The following ZBTB37 variants were observed in gnomAD, a reference collection of about 807,000 sequenced individuals.
ZBTB37 encodes the protein zinc finger and BTB domain-containing protein 37.
In ZBTB37, 15 loss-of-function variants were observed where a neutral mutation model predicts 37.7. The ratio of observed to expected loss-of-function variants is 0.40; its 90% CI spans 0.27 to 0.61. ZBTB37 has a LOEUF of 0.61. Among genes scored for constraint, ZBTB37 ranks in the 20% least tolerant of loss-of-function variants. The pLI, the probability that ZBTB37 is intolerant of heterozygous loss-of-function variation, is 0.44. For synonymous variants in ZBTB37, 231 were observed against 220.6 expected (o/e 1.05, Z -0.42); for missense variants, 514 against 641.9 (o/e 0.80, Z 2.15).
At chr1:173,877,286 T>C (rs1656032358) in intron 4 of ZBTB37, among the ~76,000 whole-genome samples, 1 of 151,718 alleles carries the variant, frequency 6.6e-6, no homozygotes, top group South Asian at 2.1e-4. Context: ...ACTTGAGTAA[T>C]AGTGTTGTGG....
At chr1:173,872,330 C>G (rs1473077266) in intron 3 of ZBTB37, among the ~76,000 whole-genome samples, 1 of 152,068 alleles carries the variant, frequency 6.6e-6, no homozygotes, top group African/African-American at 2.4e-5. Flanking sequence ...GCCTCAGCCT[C>G]CCAGAGTGCT....
exon 4 of ZBTB37, chr1:173,902,226 A>G (rs1657287686): frequency 6.6e-6 from 1 of 152,272 alleles, no homozygotes. Context: ...ATTGATAGCA[A>G]GGATCAACTA....
At chr1:173,876,524 G>A (rs963930780) in intron 4 of ZBTB37, among the ~76,000 whole-genome samples, 2 of 151,844 alleles carry the variant, frequency 1.3e-5, no homozygotes, top group Admixed American at 6.6e-5. Context: ...CACCATATTG[G>A]TCAGGCTGGT....
exon 3 of ZBTB37, chr1:173,870,321 T>C: frequency 6.2e-7 from 1 of 1,614,170 alleles, no homozygotes; most frequent in East Asian, 2.2e-5. Flanking sequence ...GCCGTCTCTG[T>C]GATATTGTGG....
chr1:173,871,146 CAGGT>C lies in ZBTB37; in HGVS notation c.923+3_923+6del. ...CTCGGCCAACAAGCAGTGAAGTTGA[CAGGT>C]AGGTTTGGTTTGGTTTGGTTTTCCC... On this transcript the variant is annotated splice_donor_variant and coding_sequence_variant, in exon 3 of 5. Coordinates refer to ENST00000427304, the Ensembl canonical transcript of ZBTB37. LOFTEE classifies it high-confidence loss of function. 1 of 1,592,046 alleles carries C rather than the reference CAGGT, an allele frequency of 6.3e-7. No homozygotes were observed. The highest frequency in any genetic ancestry group is 8.6e-7 in the Non-Finnish European group (1 of 1,169,408).
chr1:173,871,772 A>G (rs1306072546), intron 3 of ZBTB37, among the ~76,000 whole-genome samples: 1 of 151,704 alleles, frequency 6.6e-6, no homozygotes, highest in Non-Finnish European at 1.5e-5. Flanking sequence ...CCTTTTTTTC[A>G]CCAGTGCTGC....
Position 173,886,165 on chromosome 1 carries a change from C to T in ZBTB37, c.*41C>T, listed in dbSNP as rs762550734. On this transcript the variant is annotated 3_prime_UTR_variant, in exon 5 of 5. Coordinates refer to ENST00000427304, the Ensembl canonical transcript of ZBTB37. ...GGGGCTGACCCTCTTCCCCTATGAG[C>T]CATAAGCAGCCAGCATCAGAGCCAT... The T allele has an allele frequency of 4.0e-6, 6 of 1,512,764 alleles. No homozygotes were observed. In the Admixed American group the frequency reaches 8.7e-5, roughly 22 times the overall value. The allele number at this position is 1,512,764 out of a possible 1,614,324, so 93.7% of individuals were successfully genotyped here. A position where few individuals can be genotyped will look rare whatever the true frequency, so the allele number is the denominator to read the frequency against.
At chr1:173,884,024 A>T (rs1357379338) in intron 4 of ZBTB37, among the ~76,000 whole-genome samples, 1 of 152,216 alleles carries the variant, frequency 6.6e-6, no homozygotes, top group African/African-American at 2.4e-5. Context: ...CTACATATTT[A>T]AAAAGGTTTT....
chr1:173,876,934 C>T (rs199646628), intron 4 of ZBTB37, among the ~76,000 whole-genome samples: 1 of 152,114 alleles, frequency 6.6e-6, no homozygotes, highest in East Asian at 1.9e-4. Flanking sequence ...ACCTACTGCA[C>T]ACCTAGTTCA....
At chr1:173,882,020 C>G (rs1446907584) in intron 4 of ZBTB37, among the ~76,000 whole-genome samples, 2 of 151,382 alleles carry the variant, frequency 1.3e-5, no homozygotes, top group Non-Finnish European at 2.9e-5. Flanking sequence ...CACCACCGCA[C>G]TCCAGCCTGG....
chr1:173,871,450 A>T (rs961341061), intron 3 of ZBTB37, among the ~76,000 whole-genome samples: 2 of 152,170 alleles, frequency 1.3e-5, no homozygotes, highest in Non-Finnish European at 2.9e-5. Flanking sequence ...CTTCCTCGGG[A>T]TTCGAGGCAG....
intron 4 of ZBTB37, among the ~76,000 whole-genome samples, chr1:173,883,035 TTAAC>T (rs1393977576): frequency 1.2e-4 from 19 of 152,226 alleles, no homozygotes; most frequent in African/African-American, 4.3e-4. Flanking sequence ...AATAGAAGTG[TTAAC>T]TAACCTGCTC....
chr1:173,871,906 T>C (rs1572049413), intron 3 of ZBTB37, among the ~76,000 whole-genome samples: 2 of 152,256 alleles, frequency 1.3e-5, no homozygotes, highest in Non-Finnish European at 2.9e-5. Context: ...TATTACTAAT[T>C]TAGATTGGTA....
chr1:173,899,553 C>CTTA (rs1657180456), exon 4 of ZBTB37: 1 of 152,172 alleles, frequency 6.6e-6, no homozygotes, highest in South Asian at 2.1e-4. Flanking sequence ...GAACACCGGC[C>CTTA]TTATGCTTTC....
chr1:173,886,069 C>G, exon 5 of ZBTB37: 3 of 1,551,710 alleles, frequency 1.9e-6, no homozygotes, highest in South Asian at 1.2e-5. Flanking sequence ...CAGGAAGAGA[C>G]AGTTGCTCCT....
chr1:173,881,346 G>A (rs1290347284), intron 4 of ZBTB37, among the ~76,000 whole-genome samples: 1 of 152,124 alleles, frequency 6.6e-6, no homozygotes, highest in Non-Finnish European at 1.5e-5. Context: ...TCTTAATCCA[G>A]TCTATCATTG....
At chr1:173,889,970 G>A (rs1171159371), downstream of ZBTB37, 1 of 152,182 alleles carries the variant, frequency 6.6e-6, no homozygotes, top group Admixed American at 6.5e-5. Context: ...CGACTTCATA[G>A]TTGACATCTG....
At chr1:173,891,264 A>G (rs1656829225), downstream of ZBTB37, 1 of 152,230 alleles carries the variant, frequency 6.6e-6, no homozygotes, top group Non-Finnish European at 1.5e-5. Flanking sequence ...ATTAAAAACT[A>G]ATTTCATTAT....
At chr1:173,877,397 T>C (rs1341242489) in intron 4 of ZBTB37, among the ~76,000 whole-genome samples, 13 of 86,688 alleles carry the variant, frequency 1.5e-4, no homozygotes, top group Non-Finnish European at 2.2e-4. Flanking sequence ...TTTTTTTTTT[T>C]CCGAGACAGG....
Sources: gnomAD v4.1 joint callset for allele counts (sites outside exome capture counted in the v4.1 genomes callset) on GRCh38, gnomAD v4.1.1 for gene constraint, MANE v1.5 for transcripts, NCBI Gene and HGNC (gene_info 2026-07-23, HGNC 2026-07-21) for gene names.